Variants in EPHA6 observed in about 807,000 individuals in gnomAD.
EPHA6 encodes the protein EPH receptor A6.
In EPHA6, 50 loss-of-function variants were observed where a neutral mutation model predicts 112.0. The ratio of observed to expected loss-of-function variants is 0.45; its 90% CI spans 0.36 to 0.56. EPHA6 has a LOEUF of 0.56. Among genes scored for constraint, EPHA6 ranks in the 20% least tolerant of loss-of-function variants. The pLI, the probability that EPHA6 is intolerant of heterozygous loss-of-function variation, is 0.00. For missense variants in EPHA6, 1,280 were observed against 1,417.4 expected, an observed-to-expected ratio of 0.90 and a Z score of 1.56; for synonymous variants, 529 against 490.7, an observed-to-expected ratio of 1.08 and a Z score of -1.03.
At chr3:96,958,076 C>G (rs2041827269) in intron 2 of EPHA6, among the ~76,000 whole-genome samples, 2 of 152,090 alleles carry the variant, frequency 1.3e-5, no homozygotes, top group Non-Finnish European at 2.9e-5. Flanking sequence ...TCTCCATGCT[C>G]TACTGTTGTG....
intron 3 of EPHA6, among the ~76,000 whole-genome samples, chr3:97,001,497 A>T (rs1266101811): frequency 6.6e-6 from 1 of 151,882 alleles, no homozygotes; most frequent in Non-Finnish European, 1.5e-5. Context: ...TACTTTTTGT[A>T]CTCAGTTTTT....
At chr3:97,428,714 C>T (rs538886312) in intron 6 of EPHA6, among the ~76,000 whole-genome samples, 79 of 147,724 alleles carry the variant, frequency 5.3e-4, no homozygotes, top group Middle Eastern at 3.4e-3. Flanking sequence ...AGGAGGGTCT[C>T]CAGCTACCAC....
intron 11 of EPHA6, among the ~76,000 whole-genome samples, chr3:97,580,527 G>A (rs1162590318): frequency 1.3e-5 from 2 of 152,326 alleles, no homozygotes; most frequent in Middle Eastern, 3.4e-3. Context: ...GGGACGGGAT[G>A]TATTTGGGTC....
intron 2 of EPHA6, among the ~76,000 whole-genome samples, chr3:96,895,725 C>G (rs1553725695): frequency 2.0e-5 from 3 of 152,088 alleles, no homozygotes; most frequent in Admixed American, 6.5e-5. Flanking sequence ...TTACAATAGC[C>G]CAGAGTATTA....
chr3:97,563,747 T>G (rs1670784760), intron 11 of EPHA6, among the ~76,000 whole-genome samples: 2 of 152,190 alleles, frequency 1.3e-5, no homozygotes, highest in African/African-American at 4.8e-5. Context: ...TATTTAACCT[T>G]GAGGTCCAAA....
intron 11 of EPHA6, among the ~76,000 whole-genome samples, chr3:97,547,897 T>A (rs1480108825): frequency 6.6e-6 from 1 of 152,206 alleles, no homozygotes; most frequent in East Asian, 1.9e-4. Flanking sequence ...TGGTGTGCCA[T>A]TTTTTAAGCC....
intron 14 of EPHA6, among the ~76,000 whole-genome samples, chr3:97,713,546 A>G (rs2034075594): frequency 6.6e-6 from 1 of 152,210 alleles, no homozygotes; most frequent in Non-Finnish European, 1.5e-5. Flanking sequence ...ATACTGTGCC[A>G]AAAAAAGGTT....
chr3:97,308,222 A>G (rs2081402256), intron 5 of EPHA6, among the ~76,000 whole-genome samples: 1 of 151,732 alleles, frequency 6.6e-6, no homozygotes, highest in Non-Finnish European at 1.5e-5. Flanking sequence ...GTATGATTAT[A>G]GTAATCGGCT....
chr3:97,085,948 T>TATATATATATATATATATATATATATAC (rs984404779), intron 3 of EPHA6, among the ~76,000 whole-genome samples: 72 of 145,096 alleles, frequency 5.0e-4, no homozygotes, highest in African/African-American at 1.9e-3. Flanking sequence ...TATATATATA[T>TATATATATATATATATATATATATATAC]ACACACTGAG....
chr3:97,316,689 G>A (rs144844266), intron 5 of EPHA6, among the ~76,000 whole-genome samples: 1 of 151,888 alleles, frequency 6.6e-6, no homozygotes, highest in East Asian at 1.9e-4. Context: ...CAGCTAAAAT[G>A]CCAACTCTAA....
intron 14 of EPHA6, among the ~76,000 whole-genome samples, chr3:97,667,613 CATACA>C (rs2030282262): frequency 6.6e-6 from 1 of 152,130 alleles, no homozygotes; most frequent in Admixed American, 6.5e-5. Flanking sequence ...AATAAATTAT[CATACA>C]ATACATTTGA....
chr3:96,922,369 G>A (rs1217931544), intron 2 of EPHA6, among the ~76,000 whole-genome samples: 4 of 152,056 alleles, frequency 2.6e-5, no homozygotes, highest in Admixed American at 2.0e-4. Flanking sequence ...TTGAGGGAAA[G>A]AACTGTTCAG....
intron 6 of EPHA6, among the ~76,000 whole-genome samples, chr3:97,446,069 C>T (rs887600402): frequency 6.6e-6 from 1 of 152,164 alleles, no homozygotes; most frequent in Non-Finnish European, 1.5e-5. Context: ...GTTGATGCGT[C>T]AGCAGAAAGG....
At chr3:97,359,473 A>G (rs2084256258) in intron 5 of EPHA6, among the ~76,000 whole-genome samples, 4 of 135,268 alleles carry the variant, frequency 3.0e-5, no homozygotes, top group Admixed American at 1.4e-4. Context: ...TTAATTCTCT[A>G]TACTTTCTTT....
intron 11 of EPHA6, among the ~76,000 whole-genome samples, chr3:97,539,066 C>CCTTCCTT (rs1560113291): frequency 8.1e-6 from 1 of 124,008 alleles, no homozygotes; most frequent in African/African-American, 3.3e-5. Flanking sequence ...TCTCTTTCTT[C>CCTTCCTT]CCTTCCTTCC....
chr3:97,047,809 A>T (rs2045562509), intron 3 of EPHA6, among the ~76,000 whole-genome samples: 1 of 152,112 alleles, frequency 6.6e-6, no homozygotes, highest in Non-Finnish European at 1.5e-5. Flanking sequence ...TAAAAACCAT[A>T]TCAAGACATG....
chr3:97,652,961 G>T (rs966678966), intron 14 of EPHA6, among the ~76,000 whole-genome samples: 5 of 151,876 alleles, frequency 3.3e-5, no homozygotes, highest in Non-Finnish European at 7.4e-5. Flanking sequence ...CATAAATAGA[G>T]AAATAATAAA....
chr3:96,998,174 A>G (rs577644033), intron 3 of EPHA6, among the ~76,000 whole-genome samples: 1 of 152,080 alleles, frequency 6.6e-6, no homozygotes, highest in East Asian at 1.9e-4. Context: ...CTATGGGAGC[A>G]TAAATTTATT....
chr3:97,575,782 C>A (rs766918599), intron 11 of EPHA6, among the ~76,000 whole-genome samples: 1 of 151,750 alleles, frequency 6.6e-6, no homozygotes, highest in Non-Finnish European at 1.5e-5. Context: ...AATATAAGCA[C>A]GGAAATTAAA....
Sources: gnomAD v4.1 joint callset for allele counts (sites outside exome capture counted in the v4.1 genomes callset) on GRCh38, gnomAD v4.1.1 for gene constraint, MANE v1.5 for transcripts, NCBI Gene and HGNC (gene_info 2026-07-23, HGNC 2026-07-21) for gene names.